The following KIRREL3 variants were observed in gnomAD, a reference collection of about 807,000 sequenced individuals.
KIRREL3 encodes kin of IRRE-like protein 3.
KIRREL3 carries 36 observed loss-of-function variants against 89.7 expected under a neutral mutation model. The ratio of observed to expected loss-of-function variants is 0.40; its 90% confidence interval spans 0.31 to 0.53. The LOEUF is 0.53. Ranked by LOEUF, KIRREL3 falls within the 20% of genes least tolerant of loss-of-function variation. KIRREL3 has a pLI of 0.49. For synonymous variants in KIRREL3, 445 were observed against 441.4 expected (o/e 1.01, Z -0.10); for missense variants, 864 against 1,056.6 (o/e 0.82, Z 2.53).
At position 126,608,320 on chromosome 11, in the gene KIRREL3, A is replaced by G. The variant is rs115479576; in HGVS notation, c.56-45408T>C. Among the ~76,000 whole-genome samples the G allele has an allele frequency of 5.8e-3, 890 of 152,270 alleles. 10 individuals are homozygous for G. Among genetic ancestry groups the G allele is most frequent in the African/African-American group, 0.02 (846 of 41,548 alleles). ...ATAACAGCAGCATTTGTGAAATCTA[A>G]TTAGTGCAGGCCCAACTTCTGACTT... On this transcript the variant is annotated intron_variant, in intron 1 of 16. Transcript: ENST00000525144. This position sits in a 1 kb window ranked among gnomAD's most constrained non-coding sequence, Gnocchi z 4.9.
rs1946662233 is a variant in KIRREL3 at position 126,686,249 on chromosome 11, A to T, written c.56-123337T>A. Among the ~76,000 whole-genome samples, 1 of 152,120 alleles carries T rather than the reference A, an allele frequency of 6.6e-6. No individual in the cohort carries two copies. On this transcript the variant is annotated intron_variant, in intron 1 of 16. Coordinates refer to ENST00000525144, the MANE Select transcript of KIRREL3 (RefSeq NM_032531.4). This position sits in a 1 kb window ranked among gnomAD's most constrained non-coding sequence, Gnocchi z 4.7. Reference sequence around the variant, plus strand: ...CGGGTGTGGAGGCAGGTCTCCATGGATTGTACGGCTTTCCCAAGGCCTGCT... The same window carrying T: ...CGGGTGTGGAGGCAGGTCTCCATGGTTTGTACGGCTTTCCCAAGGCCTGCT...
chr11:126,997,324 C>T lies in KIRREL3; in HGVS notation c.55+3131G>A, dbSNP rs74833661. 1.2e-4 allele frequency among the ~76,000 whole-genome samples: 19 copies of T among 152,304 alleles called. No homozygotes were observed. The highest frequency in any genetic ancestry group is 4.6e-4 in the African/African-American group (19 of 41,564). On this transcript the variant is annotated intron_variant, in intron 1 of 16. Transcript: ENST00000525144. This position sits in a 1 kb window ranked among gnomAD's most constrained non-coding sequence, Gnocchi z 4.3. ...TGCTGTGACATTATCCCTCTCTGAA[C>T]AAAGCATGACCGTCCTGACAGCTGA...
Position 126,739,698 on chromosome 11 carries a change from C to A in KIRREL3, c.56-176786G>T, listed in dbSNP as rs1948916211. ...GGTACTATGCAGGCAAACCAGCCCACAAGGGATGCTCTGGTCACTGGTGCA... is the reference window on the plus strand; with the variant it reads ...GGTACTATGCAGGCAAACCAGCCCAAAAGGGATGCTCTGGTCACTGGTGCA... On this transcript the variant is annotated intron_variant, in intron 1 of 16. Coordinates refer to ENST00000525144, the MANE Select transcript of KIRREL3 (RefSeq NM_032531.4). This position sits in a 1 kb window ranked among gnomAD's most constrained non-coding sequence, Gnocchi z 5.5. 6.6e-6 allele frequency among the ~76,000 whole-genome samples: 1 copy of A among 152,164 alleles called. No homozygotes were observed. Among genetic ancestry groups the A allele is most frequent in the Non-Finnish European group, 1.5e-5 (1 of 68,044 alleles).
intron 2 of KIRREL3, among the ~76,000 whole-genome samples, chr11:126,548,678 G>A (rs1167376764): frequency 6.6e-6 from 1 of 152,224 alleles, no homozygotes; most frequent in Non-Finnish European, 1.5e-5. Flanking sequence ...CTTAGGGCCT[G>A]CTTCCAGGGG....
In KIRREL3 at chr11:126,500,516, G is replaced by T. The variant is rs536902138; in HGVS notation, c.433+20799C>A. ...GCACTTCGGGAGGCCGAGGCGAGTGGATCACTTGAGATCAGGAATTCGAGA... is the reference window on the plus strand; with the variant it reads ...GCACTTCGGGAGGCCGAGGCGAGTGTATCACTTGAGATCAGGAATTCGAGA... On this transcript the variant is annotated intron_variant, in intron 4 of 16. Transcript: ENST00000525144. Among the ~76,000 whole-genome samples the T allele has an allele frequency of 2.6e-5, 4 of 152,152 alleles. No individual in the cohort carries two copies. In the South Asian group the frequency reaches 8.3e-4, roughly 31 times the overall value.
Position 126,978,342 on chromosome 11 carries a change from A to G in KIRREL3, c.55+22113T>C, listed in dbSNP as rs1342048613. On this transcript the variant is annotated intron_variant, in intron 1 of 16. Transcript: ENST00000525144. This position sits in a 1 kb window ranked among gnomAD's most constrained non-coding sequence, Gnocchi z 4.2. ...TTCACCTTCCCTTCAAACTTTAGCC[A>G]ATTAGGTTTCCTCCATTCTTATGTG... Among the ~76,000 whole-genome samples the G allele has an allele frequency of 6.6e-5, 10 of 152,226 alleles. No individual in the cohort carries two copies. The highest frequency in any genetic ancestry group is 2.4e-4 in the African/African-American group (10 of 41,528).
chr11:126,791,496 C>T lies in KIRREL3; in HGVS notation c.55+208959G>A, dbSNP rs1278115666. 6.6e-6 allele frequency among the ~76,000 whole-genome samples: 1 copy of T among 152,230 alleles called. No individual in the cohort carries two copies. The highest frequency in any genetic ancestry group is 2.4e-5 in the African/African-American group (1 of 41,450). On this transcript the variant is annotated intron_variant, in intron 1 of 16. Transcript: ENST00000525144. This position sits in a 1 kb window ranked among gnomAD's most constrained non-coding sequence, Gnocchi z 4.8. ...GAAAATTGTACATATTGTGCAGATCCATCTCCTTTTCTTGCCCTTCTTTCC... is the reference window on the plus strand; with the variant it reads ...GAAAATTGTACATATTGTGCAGATCTATCTCCTTTTCTTGCCCTTCTTTCC...
intron 1 of KIRREL3, among the ~76,000 whole-genome samples, chr11:126,926,080 C>T (rs191495478): frequency 6.6e-6 from 1 of 152,230 alleles, no homozygotes; most frequent in Non-Finnish European, 1.5e-5. Context: ...AACCCCTTAC[C>T]CACACAATCA....
chr11:126,947,898 A>G lies in KIRREL3; in HGVS notation c.55+52557T>C, dbSNP rs546981772. Among the ~76,000 whole-genome samples the G allele has an allele frequency of 3.9e-5, 6 of 152,328 alleles. No individual in the cohort carries two copies. The East Asian group carries it at 1.2e-3, about 29-fold the overall frequency. On this transcript the variant is annotated intron_variant, in intron 1 of 16. Coordinates refer to ENST00000525144, the MANE Select transcript of KIRREL3 (RefSeq NM_032531.4). ...GCTCTCAGAATCTGTGTGGCTGTTC[A>G]TGCTGTCAGGGGCCATGATGCTGGA...
At position 126,557,059 on chromosome 11, in the gene KIRREL3, A is replaced by G. The variant is rs181963282; in HGVS notation, c.133+5776T>C. On this transcript the variant is annotated intron_variant, in intron 2 of 16. Transcript: ENST00000525144. The surrounding 1 kb of genome is among the most constrained non-coding windows in gnomAD (Gnocchi z 5.6). ...GCTCAGGAAAATGACTGTGGCCCTT[A>G]GCGCGAGCCAGACTGTACGGCTGCA... 2.6e-5 allele frequency among the ~76,000 whole-genome samples: 4 copies of G among 152,310 alleles called. No individual in the cohort carries two copies. The highest frequency in any genetic ancestry group is 2.6e-4 in the Admixed American group (4 of 15,308).
At chr11:126,804,487 C>T (rs1565746104) in intron 1 of KIRREL3, among the ~76,000 whole-genome samples, 1 of 152,138 alleles carries the variant, frequency 6.6e-6, no homozygotes, top group Non-Finnish European at 1.5e-5. Context: ...AGTAAAAAGA[C>T]AGCAACCCAC....
chr11:126,680,223 A>G (rs1228287012), intron 1 of KIRREL3, among the ~76,000 whole-genome samples: 1 of 152,176 alleles, frequency 6.6e-6, no homozygotes, highest in Admixed American at 6.5e-5. Context: ...CAGTGAGGGC[A>G]ACAGAAAAAA....
rs1269998038 is a variant in KIRREL3 at position 126,654,514 on chromosome 11, AAACTACGGGT to A, written c.56-91612_56-91603del. Among the ~76,000 whole-genome samples the A allele has an allele frequency of 3.9e-5, 6 of 152,266 alleles. No homozygotes were observed. In the East Asian group the frequency reaches 1.2e-3, roughly 29 times the overall value. On this transcript the variant is annotated intron_variant, in intron 1 of 16. Transcript: ENST00000525144. ...TAAGAAAGGGGTTTCCATTGAGAAG[AAACTACGGGT>A]AACAGTTAAAGAGGAAGAGCATGTG...
chr11:126,508,953 C>A lies in KIRREL3; in HGVS notation c.433+12362G>T, dbSNP rs767745967. On this transcript the variant is annotated intron_variant, in intron 4 of 16. Transcript: ENST00000525144. This position sits in a 1 kb window ranked among gnomAD's most constrained non-coding sequence, Gnocchi z 4.9. ...CAACTCACAAGCTGCCCTTTCTGTGCATAGAAGGTGTGGCTGAACTTAGAT... is the reference window on the plus strand; with the variant it reads ...CAACTCACAAGCTGCCCTTTCTGTGAATAGAAGGTGTGGCTGAACTTAGAT... Among the ~76,000 whole-genome samples the A allele has an allele frequency of 2.6e-5, 4 of 152,140 alleles. No individual in the cohort carries two copies. Among genetic ancestry groups the A allele is most frequent in the Non-Finnish European group, 5.9e-5 (4 of 68,032 alleles).
In KIRREL3 at chr11:126,431,124, C is replaced by T; in HGVS notation, c.1696+295G>A. ...AACCACAAACCGCTTTTCCCCCTATCTTTCTGTACAGTTCCTGACTGAAAG... is the reference window on the plus strand; with the variant it reads ...AACCACAAACCGCTTTTCCCCCTATTTTTCTGTACAGTTCCTGACTGAAAG... On this transcript the variant is annotated intron_variant, in intron 14 of 16. Coordinates refer to ENST00000525144, the MANE Select transcript of KIRREL3 (RefSeq NM_032531.4). This position sits in a 1 kb window ranked among gnomAD's most constrained non-coding sequence, Gnocchi z 7.1. 1.4e-6 allele frequency: 2 copies of T among 1,419,858 alleles called. No individual in the cohort carries two copies. Among genetic ancestry groups the T allele is most frequent in the Non-Finnish European group, 1.8e-6 (2 of 1,090,686 alleles). The allele number at this position is 1,419,858 out of a possible 1,614,324, so 88.0% of individuals were successfully genotyped here.
intron 1 of KIRREL3, among the ~76,000 whole-genome samples, chr11:126,786,319 T>C (rs1329670094): frequency 6.6e-6 from 1 of 152,230 alleles, no homozygotes; most frequent in African/African-American, 2.4e-5. Flanking sequence ...TAATAGTGTT[T>C]GTATTAGACA....
chr11:126,886,765 T>G (rs559308308), intron 1 of KIRREL3, among the ~76,000 whole-genome samples: 1 of 152,276 alleles, frequency 6.6e-6, no homozygotes, highest in Non-Finnish European at 1.5e-5. Flanking sequence ...AATGACAGTC[T>G]TCAGGGTGAC....
chr11:126,956,680 T>A (rs1948931979), intron 1 of KIRREL3, among the ~76,000 whole-genome samples: 1 of 152,190 alleles, frequency 6.6e-6, no homozygotes, highest in African/African-American at 2.4e-5. Context: ...TTTGTTTAAT[T>A]TATTTTTGCC....
Position 126,763,859 on chromosome 11 carries a change from C to T in KIRREL3, c.56-200947G>A, listed in dbSNP as rs1949737556. On this transcript the variant is annotated intron_variant, in intron 1 of 16. Coordinates refer to ENST00000525144, the MANE Select transcript of KIRREL3 (RefSeq NM_032531.4). This position sits in a 1 kb window ranked among gnomAD's most constrained non-coding sequence, Gnocchi z 4.7. ...CCTTTCCTACTTTGAAAACAGCAGTCTGTCTCATTAAGTATCCTACTTAGT... is the reference window on the plus strand; with the variant it reads ...CCTTTCCTACTTTGAAAACAGCAGTTTGTCTCATTAAGTATCCTACTTAGT... Among the ~76,000 whole-genome samples, 1 of 152,170 alleles carries T rather than the reference C, an allele frequency of 6.6e-6. No individual in the cohort carries two copies. The highest frequency in any genetic ancestry group is 2.4e-5 in the African/African-American group (1 of 41,428).
Sources: allele counts gnomAD v4.1 joint callset (sites outside exome capture counted in the v4.1 genomes callset), GRCh38; gene constraint gnomAD v4.1.1; non-coding constraint Gnocchi (gnomAD v3.1); transcripts MANE v1.5; gene names NCBI Gene and HGNC (gene_info 2026-07-23, HGNC 2026-07-21).